CEP128: variants seen among roughly 807,000 people sequenced by gnomAD.
CEP128 encodes centrosomal protein 128, also known as centrosomal protein 128kDa.
Under a neutral mutation model 156.7 loss-of-function variants are expected in CEP128, and 132 were observed. The observed-to-expected ratio is 0.84, with a 90% CI of 0.73 to 0.97. The LOEUF (loss-of-function observed/expected upper bound fraction) is 0.97. Among genes scored for constraint, CEP128 ranks in the 50% least tolerant of loss-of-function variants. The pLI is 0.00. For synonymous variants in CEP128, 469 were observed against 448.9 expected, an observed-to-expected ratio of 1.04 and a Z score of -0.57; for missense variants, 1,252 against 1,281.9, an observed-to-expected ratio of 0.98 and a Z score of 0.36.
intron 10 of CEP128, 99 bp downstream of exon 10, chr14:80,840,583 A>G (rs1286745077): frequency 5.9e-5 from 41 of 699,886 alleles, no homozygotes; most frequent in East Asian, 5.2e-5. Context: ...AGAACTCACA[A>G]TGTTCTAAAG....
At chr14:80,804,871 A>G (rs1266649406) in intron 13 of CEP128, among the ~76,000 whole-genome samples, 4 of 152,160 alleles carry the variant, frequency 2.6e-5, no homozygotes, top group African/African-American at 4.8e-5. Context: ...ATGTATTTAT[A>G]AATGTGATAT....
At chr14:80,859,513 A>C (rs1377099213) in intron 9 of CEP128, among the ~76,000 whole-genome samples, 2 of 151,884 alleles carry the variant, frequency 1.3e-5, no homozygotes, top group African/African-American at 4.8e-5. Flanking sequence ...TAACCTGCAC[A>C]TTGTGCACAT....
At chr14:80,876,835 G>C (rs1888307619) in intron 8 of CEP128, among the ~76,000 whole-genome samples, 1 of 152,148 alleles carries the variant, frequency 6.6e-6, no homozygotes, top group Non-Finnish European at 1.5e-5. Flanking sequence ...ATACTTTCAG[G>C]CATATGCACA....
chr14:80,785,490 A>G lies in CEP128; in HGVS notation c.1616T>C (p.Ile539Thr), dbSNP rs769552772. Residue 539 changes from isoleucine (I) to threonine (T), a missense_variant, in exon 15 of 25, where the codon ATA (isoleucine) becomes ACA (threonine). Physicochemically the swap from Ile to Thr is moderately conservative, Grantham distance 89. Coordinates refer to ENST00000555265, the MANE Select transcript of CEP128 (RefSeq NM_152446.5). The stretch of plus-strand genomic sequence containing the variant: ...ATTCAATTCCTTTCGAAGATTCTCT[A>G]TTTGTTGTAATGCTGCATACAGCTG... ...KTQLYAALQQ[I>T]ENLRKELNDV... 1.2e-6 allele frequency: 2 copies of G among 1,613,448 alleles called. No individual in the cohort carries two copies. The highest frequency in any genetic ancestry group is 8.5e-7 in the Non-Finnish European group (1 of 1,179,770).
At chr14:80,875,102 G>A (rs1252690659) in intron 8 of CEP128, among the ~76,000 whole-genome samples, 2 of 152,148 alleles carry the variant, frequency 1.3e-5, no homozygotes, top group African/African-American at 2.4e-5. Flanking sequence ...GTTTTTAGCA[G>A]ATTCTTAAAG....
intron 19 of CEP128, among the ~76,000 whole-genome samples, chr14:80,594,241 A>T (rs1428874665): frequency 6.6e-6 from 1 of 152,214 alleles, no homozygotes; most frequent in Non-Finnish European, 1.5e-5. Context: ...CTATTTAATA[A>T]ATGGTGTTGG....
At chr14:80,517,927 G>A (rs1888565445) in intron 23 of CEP128, among the ~76,000 whole-genome samples, 2 of 152,062 alleles carry the variant, frequency 1.3e-5, no homozygotes, top group Non-Finnish European at 2.9e-5. Context: ...GAGCACAGTG[G>A]ACACCCTGCC....
chr14:80,778,127 G>A (rs1900902281), intron 15 of CEP128, 81 bp from the exon 16 acceptor site: 7 of 1,141,328 alleles, frequency 6.1e-6, no homozygotes, highest in Non-Finnish European at 7.6e-6. Flanking sequence ...TTTTATCAGT[G>A]GAAAAACACT....
intron 19 of CEP128, among the ~76,000 whole-genome samples, chr14:80,685,156 C>T (rs1311865993): frequency 6.6e-6 from 1 of 152,032 alleles, no homozygotes; most frequent in Non-Finnish European, 1.5e-5. Context: ...GAAAGTCAAA[C>T]TATGTCTCTT....
At chr14:80,653,020 G>A (rs1040372876) in intron 19 of CEP128, among the ~76,000 whole-genome samples, 27 of 152,100 alleles carry the variant, frequency 1.8e-4, no homozygotes, top group African/African-American at 5.6e-4. Context: ...TAAAAAAGAG[G>A]AGTTCATGTC....
At chr14:80,611,018 G>A (rs1444691972) in intron 19 of CEP128, among the ~76,000 whole-genome samples, 1 of 151,876 alleles carries the variant, frequency 6.6e-6, no homozygotes, top group African/African-American at 2.4e-5. Context: ...TGCCTGGAAG[G>A]ATACATATAA....
intron 8 of CEP128, among the ~76,000 whole-genome samples, chr14:80,886,095 GAACA>G (rs1888784969): frequency 6.6e-6 from 1 of 151,888 alleles, no homozygotes; most frequent in African/African-American, 2.4e-5. Flanking sequence ...GAGTGAAAAG[GAACA>G]AACAAAGCCT....
chr14:80,715,021 G>A (rs577500022), intron 19 of CEP128, among the ~76,000 whole-genome samples: 2 of 152,122 alleles, frequency 1.3e-5, no homozygotes, highest in South Asian at 2.1e-4. Flanking sequence ...CCAGCAGTCT[G>A]GGACCAGCCT....
chr14:80,758,617 C>T (rs1459312697), intron 17 of CEP128, among the ~76,000 whole-genome samples: 1 of 151,530 alleles, frequency 6.6e-6, no homozygotes, highest in Non-Finnish European at 1.5e-5. Context: ...ATCAAGATGT[C>T]ACTATTAATA....
At chr14:80,800,864 C>A (rs747693343) in intron 13 of CEP128, among the ~76,000 whole-genome samples, 6 of 152,082 alleles carry the variant, frequency 3.9e-5, no homozygotes, top group Non-Finnish European at 8.8e-5. Flanking sequence ...TATTAGAAAC[C>A]AGATTTAAGT....
upstream of CEP128, among the ~76,000 whole-genome samples, chr14:80,944,851 A>AC (rs1566731097): frequency 4.7e-5 from 5 of 106,224 alleles, no homozygotes; most frequent in African/African-American, 1.6e-4. Context: ...AAAAAAAAAA[A>AC]AAAAAACAGA....
chr14:80,910,978 A>C (rs576990195), intron 4 of CEP128, among the ~76,000 whole-genome samples: 1 of 152,368 alleles, frequency 6.6e-6, no homozygotes, highest in African/African-American at 2.4e-5. Context: ...ATTACCATGA[A>C]AATAAAATAA....
chr14:80,842,109 A>G (rs1274076654), intron 9 of CEP128, among the ~76,000 whole-genome samples: 1 of 152,040 alleles, frequency 6.6e-6, no homozygotes, highest in Admixed American at 6.6e-5. Flanking sequence ...TGTTTATAAT[A>G]TTGATTTTCC....
At chr14:80,729,243 ATAAG>A (rs1802081080) in intron 19 of CEP128, among the ~76,000 whole-genome samples, 1 of 151,216 alleles carries the variant, frequency 6.6e-6, no homozygotes, top group Admixed American at 6.6e-5. Flanking sequence ...GCTCCCACTT[ATAAG>A]TGAGAACATA....
Sources: allele counts gnomAD v4.1 joint callset (sites outside exome capture counted in the v4.1 genomes callset), GRCh38; gene constraint gnomAD v4.1.1; transcripts MANE v1.5; gene names NCBI Gene and HGNC (gene_info 2026-07-23, HGNC 2026-07-21).